Variants in L3MBTL3 observed in about 807,000 individuals in gnomAD.
L3MBTL3 encodes the protein lethal(3)malignant brain tumor-like protein 3.
L3MBTL3 carries 27 observed loss-of-function variants against 102.3 expected under a neutral mutation model. The ratio of observed to expected loss-of-function variants is 0.26; its 90% CI spans 0.19 to 0.36. The LOEUF (loss-of-function observed/expected upper bound fraction) is 0.36, where lower values mean the gene tolerates loss of function less well. Ranked by LOEUF, L3MBTL3 falls within the 10% of genes least tolerant of loss-of-function variation. The pLI is 1.00. For missense variants in L3MBTL3, 798 were observed against 955.3 expected (o/e 0.84, Z 2.17); for synonymous variants, 340 against 320.9 (o/e 1.06, Z -0.64).
chr6:130,129,959 GCTTT>G (rs1458968889), intron 20 of L3MBTL3, among the ~76,000 whole-genome samples: 1 of 152,182 alleles, frequency 6.6e-6, no homozygotes, highest in African/African-American at 2.4e-5. Context: ...AAATGAAGCT[GCTTT>G]CTTTATTCCT....
intron 2 of L3MBTL3, among the ~76,000 whole-genome samples, chr6:130,028,907 G>A (rs996903106): frequency 6.6e-6 from 1 of 152,162 alleles, no homozygotes; most frequent in African/African-American, 2.4e-5. Flanking sequence ...CAGCCTAGTT[G>A]TTAGAATTTT....
chr6:130,038,140 G>C (rs1278328882), intron 2 of L3MBTL3, among the ~76,000 whole-genome samples: 1 of 151,954 alleles, frequency 6.6e-6, no homozygotes, highest in South Asian at 2.1e-4. Flanking sequence ...TCCTGTGTGT[G>C]TATAAACCAC....
intron 19 of L3MBTL3, among the ~76,000 whole-genome samples, chr6:130,119,027 A>G (rs1785931813): frequency 6.6e-6 from 1 of 152,224 alleles, no homozygotes; most frequent in Non-Finnish European, 1.5e-5. Context: ...AGCTTATTTT[A>G]AAGGAATAGT....
At position 130,123,251 on chromosome 6, in the gene L3MBTL3, T is replaced by C. The variant is rs375784862; in HGVS notation, c.1966+2293T>C. Among the ~76,000 whole-genome samples the C allele has an allele frequency of 2.6e-5, 4 of 152,276 alleles. No homozygotes were observed. In the East Asian group the frequency reaches 7.7e-4, roughly 29 times the overall value. On this transcript the variant is annotated intron_variant, in intron 20 of 22. Coordinates refer to ENST00000361794, the MANE Select transcript of L3MBTL3 (RefSeq NM_032438.4). The stretch of plus-strand genomic sequence containing the variant: ...TATGTCTTTCTAATTTTTTTCTTTC[T>C]GTTTTTCTTGATTTGAATTGCCTAA...
chr6:130,044,996 C>G (rs1780638257), intron 3 of L3MBTL3, among the ~76,000 whole-genome samples: 1 of 152,114 alleles, frequency 6.6e-6, no homozygotes, highest in Non-Finnish European at 1.5e-5. Context: ...TTAATATAGT[C>G]AGCAAATCTA....
chr6:130,057,343 C>A, intron 8 of L3MBTL3, 63 bp from the exon 9 acceptor site: 1 of 1,284,996 alleles, frequency 7.8e-7, no homozygotes, highest in Non-Finnish European at 1.1e-6. Context: ...TGTGAGTTCA[C>A]AGATGCATCA....
chr6:130,095,708 A>G (rs978956088), intron 18 of L3MBTL3, among the ~76,000 whole-genome samples: 2 of 152,196 alleles, frequency 1.3e-5, no homozygotes, highest in Non-Finnish European at 2.9e-5. Flanking sequence ...GAGGCTGGAA[A>G]GTCTGAGATC....
intron 19 of L3MBTL3, among the ~76,000 whole-genome samples, chr6:130,108,381 T>G (rs936064174): frequency 6.6e-6 from 1 of 151,636 alleles, no homozygotes; most frequent in African/African-American, 2.4e-5. Flanking sequence ...ATTACAGGCG[T>G]GTGCCACCAC....
chr6:130,024,040 T>C (rs1328168424), intron 2 of L3MBTL3, among the ~76,000 whole-genome samples: 2 of 152,116 alleles, frequency 1.3e-5, no homozygotes, highest in Non-Finnish European at 2.9e-5. Flanking sequence ...TGATGCCTAA[T>C]TGTGAAAATG....
At chr6:130,086,329 T>A in intron 16 of L3MBTL3, 79 bp downstream of exon 16, 5 of 897,324 alleles carry the variant, frequency 5.6e-6, no homozygotes, top group Non-Finnish European at 7.1e-6. Flanking sequence ...GATACTTAAC[T>A]TGTGAAGTCC....
intron 16 of L3MBTL3, 141 bp downstream of exon 16, chr6:130,086,391 G>A (rs1783692249): frequency 4.7e-6 from 3 of 639,802 alleles, no homozygotes; most frequent in Middle Eastern, 3.4e-4. Flanking sequence ...GTGCATCTTT[G>A]TAAATCAGCA....
At chr6:130,028,199 T>C (rs544880659) in intron 2 of L3MBTL3, among the ~76,000 whole-genome samples, 1 of 151,986 alleles carries the variant, frequency 6.6e-6, no homozygotes, top group South Asian at 2.1e-4. Context: ...GGGCAGGAAG[T>C]TGAGATTTTG....
intron 9 of L3MBTL3, among the ~76,000 whole-genome samples, chr6:130,058,240 T>C (rs1584343057): frequency 6.6e-6 from 1 of 151,806 alleles, no homozygotes; most frequent in South Asian, 2.1e-4. Context: ...TATATTATAT[T>C]AGCTATAATA....
chr6:130,018,697 T>A (rs967131688), intron 1 of L3MBTL3, 33 bp downstream of exon 1: 2 of 152,522 alleles, frequency 1.3e-5, no homozygotes, highest in African/African-American at 4.8e-5. Flanking sequence ...TAATCTCTAA[T>A]TAATCTGAAG....
At chr6:130,061,076 T>G (rs1369951535) in intron 10 of L3MBTL3, among the ~76,000 whole-genome samples, 1 of 143,194 alleles carries the variant, frequency 7.0e-6, no homozygotes, top group Non-Finnish European at 1.5e-5. Flanking sequence ...TTTTCATCTG[T>G]TAGCTCTTTT....
chr6:130,114,882 G>T (rs2115440348), intron 19 of L3MBTL3, among the ~76,000 whole-genome samples: 1 of 152,246 alleles, frequency 6.6e-6, no homozygotes, highest in African/African-American at 2.4e-5. Flanking sequence ...CGAAGGTGGT[G>T]ATCTCCTTGA....
intron 2 of L3MBTL3, among the ~76,000 whole-genome samples, chr6:130,041,452 T>TA (rs1164802667): frequency 6.6e-6 from 1 of 152,228 alleles, no homozygotes; most frequent in African/African-American, 2.4e-5. Context: ...TACTCTAACA[T>TA]ACAGATCACA....
At chr6:130,066,920 A>C (rs1487950715) in intron 11 of L3MBTL3, among the ~76,000 whole-genome samples, 2 of 152,178 alleles carry the variant, frequency 1.3e-5, no homozygotes, top group Non-Finnish European at 2.9e-5. Flanking sequence ...GACCGTATAG[A>C]TCTTAATATT....
At chr6:130,093,705 AT>A (rs1314691240) in intron 17 of L3MBTL3, among the ~76,000 whole-genome samples, 1 of 152,224 alleles carries the variant, frequency 6.6e-6, no homozygotes. Flanking sequence ...AAAATAAAAC[AT>A]CTGTGTTGTG....
Sources: allele counts gnomAD v4.1 joint callset (sites outside exome capture counted in the v4.1 genomes callset), GRCh38; gene constraint gnomAD v4.1.1; transcripts MANE v1.5; gene names NCBI Gene and HGNC (gene_info 2026-07-23, HGNC 2026-07-21).